Variants in DYSF observed in about 807,000 individuals in gnomAD.
The protein encoded by DYSF is dysferlin.
Under a neutral mutation model 274.9 loss-of-function variants are expected in DYSF, and 212 were observed. The observed-to-expected ratio is 0.77, with a 90% CI of 0.69 to 0.86. The LOEUF (loss-of-function observed/expected upper bound fraction) is 0.86. DYSF is among the 40% of genes least tolerant of loss of function. The probability of loss-of-function intolerance (pLI) is 0.00; values close to 1 mark genes in which losing one functional copy is unlikely to be tolerated. For synonymous variants in DYSF, 1,091 were observed against 1,078.7 expected (o/e 1.01, Z -0.22); for missense variants, 2,666 against 2,783.2 (o/e 0.96, Z 0.95).
intron 14 of DYSF, among the ~76,000 whole-genome samples, chr2:71,532,151 C>A (rs948329059): frequency 6.6e-6 from 1 of 152,176 alleles, no homozygotes; most frequent in African/African-American, 2.4e-5. Context: ...GCATAATATT[C>A]TGTCAGATGA....
rs1404000468 is a variant in DYSF at position 71,611,555 on chromosome 2, G to T, written c.4150G>T (p.Val1384Leu). ...SLVVECGGQT[V>L]QSCVIRNLRK... ...CGTGGTAGAGTGTGGGGGCCAGACG[G>T]TGCAGTCCTGTGTCATCAGGAACCT... The change falls in exon 38 of 56, where the codon GTG becomes TTG. Residue 1384 changes from valine (V) to leucine (L), a missense_variant. Physicochemically the swap from Val to Leu is conservative, Grantham distance 32. Coordinates refer to ENST00000410020, the MANE Select transcript of DYSF (RefSeq NM_001130987.2). 2.5e-6 allele frequency: 4 copies of T among 1,613,862 alleles called. No homozygotes were observed. Among genetic ancestry groups the T allele is most frequent in the Non-Finnish European group, 3.4e-6 (4 of 1,179,996 alleles).
intron 52 of DYSF, among the ~76,000 whole-genome samples, chr2:71,676,493 T>C (rs989925608): frequency 6.6e-6 from 1 of 152,192 alleles, no homozygotes; most frequent in African/African-American, 2.4e-5. Flanking sequence ...TAAGAATACA[T>C]TGCAAATAAT....
intron 45 of DYSF, among the ~76,000 whole-genome samples, chr2:71,662,147 C>T (rs2094892364): frequency 6.6e-6 from 1 of 152,246 alleles, no homozygotes; most frequent in South Asian, 2.1e-4. Flanking sequence ...AAGCCTCCTT[C>T]AGATCACAAC....
chr2:71,611,113 C>T, intron 36 of DYSF, 132 bp from the exon 37 acceptor site: 3 of 764,968 alleles, frequency 3.9e-6, no homozygotes, highest in East Asian at 5.4e-5. Flanking sequence ...CCTGTTTGTC[C>T]ACTTCTGTCT....
At chr2:71,505,817 C>A (rs182128394) in intron 4 of DYSF, among the ~76,000 whole-genome samples, 1 of 152,230 alleles carries the variant, frequency 6.6e-6, no homozygotes, top group African/African-American at 2.4e-5. Flanking sequence ...CGGCATCACC[C>A]GGGCCTTAAA....
chr2:71,520,407 G>A (rs1321701298), intron 11 of DYSF, among the ~76,000 whole-genome samples, 199 bp downstream of exon 11: 3 of 152,154 alleles, frequency 2.0e-5, no homozygotes, highest in Non-Finnish European at 4.4e-5. Flanking sequence ...CTGTGTCTCC[G>A]TTGGCCCATT....
intron 1 of DYSF, 50 bp from the exon 2 acceptor site, chr2:71,480,833 G>T (rs1292703923): frequency 6.4e-7 from 1 of 1,551,788 alleles, no homozygotes; most frequent in Non-Finnish European, 8.9e-7. Context: ...CTCAGCGGAA[G>T]GTGAAAGGCG....
intron 31 of DYSF, 127 bp downstream of exon 31, chr2:71,589,813 T>C: frequency 2.1e-6 from 2 of 948,602 alleles, no homozygotes; most frequent in African/African-American, 1.6e-5. Context: ...TGCTTTTTGG[T>C]GGGTCAGTGC....
intron 33 of DYSF, 116 bp downstream of exon 33, chr2:71,598,861 C>A: frequency 8.3e-7 from 1 of 1,202,848 alleles, no homozygotes; most frequent in South Asian, 1.3e-5. Flanking sequence ...ACTCCACGGG[C>A]CCTAGAACAA....
chr2:71,583,043 CAAAAAAA>C (rs143738269), intron 30 of DYSF, among the ~76,000 whole-genome samples: 57 of 49,948 alleles, frequency 1.1e-3, no homozygotes, highest in East Asian at 4.3e-3. Flanking sequence ...GACTCCATCT[CAAAAAAA>C]AAAAAAAAAA....
At chr2:71,598,845 C>T (rs2093471465) in intron 33 of DYSF, 100 bp downstream of exon 33, 1 of 1,375,530 alleles carries the variant, frequency 7.3e-7, no homozygotes, top group Non-Finnish European at 1.0e-6. Flanking sequence ...GATGGGTGCT[C>T]TCCTAACTCC....
Position 71,602,792 on chromosome 2 carries a change from G to A in DYSF, c.3944G>A (p.Arg1315Lys), listed in dbSNP as rs1299489202. 1.9e-6 allele frequency: 3 copies of A among 1,613,320 alleles called. No homozygotes were observed. Among genetic ancestry groups the A allele is most frequent in the Admixed American group, 3.3e-5 (2 of 59,994 alleles). The change falls in exon 36 of 56, where the codon AGG becomes AAG. Residue 1315 changes from arginine to lysine, a missense_variant. Around this residue, in one of 3 missense-constraint regions of DYSF, gnomAD observed 1,460 missense variants for 1,502.1 expected, o/e 0.97. Coordinates refer to ENST00000410020, the MANE Select transcript of DYSF (RefSeq NM_001130987.2). Reference sequence around the variant, plus strand: ...GTGGGCCAGGTGCAGGAGACATCAAGGATCCTGGATGAGGTGAGCTGGGCG... The same window carrying A: ...GTGGGCCAGGTGCAGGAGACATCAAAGATCCTGGATGAGGTGAGCTGGGCG... ...IPGFEVQETS[R>K]ILDESEDTDL...
intron 41 of DYSF, among the ~76,000 whole-genome samples, chr2:71,634,895 A>C (rs1473449661): frequency 1.3e-5 from 2 of 152,116 alleles, no homozygotes; most frequent in Non-Finnish European, 2.9e-5. Flanking sequence ...AAATCCTTCT[A>C]GTTTTCCTGG....
At chr2:71,668,269 C>T (rs1370870079) in intron 48 of DYSF, among the ~76,000 whole-genome samples, 4 of 152,200 alleles carry the variant, frequency 2.6e-5, no homozygotes, top group Non-Finnish European at 1.5e-5. Context: ...GCTCTTTCAT[C>T]TTCTAGTTCT....
chr2:71,477,982 A>G (rs2082529362), intron 1 of DYSF, among the ~76,000 whole-genome samples: 1 of 152,072 alleles, frequency 6.6e-6, no homozygotes, highest in South Asian at 2.1e-4. Context: ...GAATCCAGCC[A>G]AGCATTAAAG....
intron 1 of DYSF, among the ~76,000 whole-genome samples, chr2:71,454,863 C>G (rs970271773): frequency 5.3e-5 from 8 of 152,088 alleles, no homozygotes; most frequent in Admixed American, 1.3e-4. Flanking sequence ...TGGCTGCTCT[C>G]CAGGAACCCT....
intron 40 of DYSF, among the ~76,000 whole-genome samples, chr2:71,618,149 GT>G: frequency 1.8e-5 from 2 of 112,288 alleles, no homozygotes; most frequent in African/African-American, 3.6e-5. Flanking sequence ...TGTGGTAGAG[GT>G]GGTGTGTGTG....
At chr2:71,536,741 T>C (rs1055176622) in intron 16 of DYSF, among the ~76,000 whole-genome samples, 1 of 152,228 alleles carries the variant, frequency 6.6e-6, no homozygotes, top group Admixed American at 6.5e-5. Flanking sequence ...ATTTTCAGAC[T>C]TGCTGTATTT....
intron 14 of DYSF, among the ~76,000 whole-genome samples, chr2:71,529,099 C>A (rs545788884): frequency 1.8e-4 from 28 of 152,348 alleles, no homozygotes; most frequent in Non-Finnish European, 1.5e-4. Context: ...CCCCTCTGAG[C>A]CCTGGAGGGA....
Sources: gnomAD v4.1 joint callset for allele counts (sites outside exome capture counted in the v4.1 genomes callset) on GRCh38, gnomAD v4.1.1 for gene constraint, gnomAD v4.1.1 regional missense constraint, MANE v1.5 for transcripts, NCBI Gene and HGNC (gene_info 2026-07-23, HGNC 2026-07-21) for gene names.